RBFOX1: variants seen among roughly 807,000 people sequenced by gnomAD.
The protein encoded by RBFOX1 is RNA binding protein fox-1 homolog 1.
A neutral mutation model predicts 57.7 loss-of-function variants in RBFOX1; 8 were observed. The ratio of observed to expected loss-of-function variants is 0.14; its 90% CI spans 0.08 to 0.25. The LOEUF (loss-of-function observed/expected upper bound fraction) is 0.25. Among genes scored for constraint, RBFOX1 ranks in the 10% least tolerant of loss-of-function variants. The pLI, the probability that RBFOX1 is intolerant of heterozygous loss-of-function variation, is 1.00. For synonymous variants in RBFOX1, 326 were observed against 222.4 expected (o/e 1.47, Z -4.15); for missense variants, 611 against 548.5 (o/e 1.11, Z -1.14).
chr16:5,517,393 C>T (rs2043831558), intron 2 of RBFOX1, among the ~76,000 whole-genome samples: 1 of 152,190 alleles, frequency 6.6e-6, no homozygotes, highest in African/African-American at 2.4e-5. Flanking sequence ...CCTTGTCCAG[C>T]CCTTGACTTT....
At chr16:6,108,328 G>A (rs1032573977) in intron 1 of RBFOX1, among the ~76,000 whole-genome samples, 3 of 152,064 alleles carry the variant, frequency 2.0e-5, no homozygotes, top group East Asian at 1.9e-4. Flanking sequence ...TTTGGTACTC[G>A]TGTGACAATG....
chr16:7,659,397 G>C (rs2109058), intron 12 of RBFOX1, among the ~76,000 whole-genome samples: 148,046 of 152,276 alleles, frequency 0.97, 72,113 homozygotes, highest in East Asian at 1. Context: ...ATCTAAATCC[G>C]CAACCTGTAG....
At chr16:6,388,111 C>G (rs915696827) in intron 2 of RBFOX1, among the ~76,000 whole-genome samples, 1 of 150,682 alleles carries the variant, frequency 6.6e-6, no homozygotes, top group African/African-American at 2.4e-5. Flanking sequence ...TCCCGAGTAG[C>G]TGGGACTACA....
chr16:5,447,253 C>T (rs534043083), intron 1 of RBFOX1, among the ~76,000 whole-genome samples: 39 of 152,188 alleles, frequency 2.6e-4, no homozygotes, highest in African/African-American at 8.9e-4. Context: ...GAACTCAGAG[C>T]CTGGAGTTAG....
At chr16:7,627,752 C>T (rs8044622) in intron 10 of RBFOX1, among the ~76,000 whole-genome samples, 25,528 of 151,980 alleles carry the variant, frequency 0.17, 3,850 homozygotes, top group African/African-American at 0.41. Context: ...TTGGTTTTGT[C>T]GAATTCAAAG....
intron 1 of RBFOX1, among the ~76,000 whole-genome samples, chr16:6,082,496 T>C (rs76665519): frequency 1.1e-3 from 174 of 151,742 alleles, no homozygotes; most frequent in African/African-American, 1.7e-3. Context: ...ACTATGCTTT[T>C]ATTAGCTTTT....
intron 3 of RBFOX1, among the ~76,000 whole-genome samples, chr16:5,702,179 C>G (rs1223508090): frequency 6.6e-6 from 1 of 152,160 alleles, no homozygotes; most frequent in African/African-American, 2.4e-5. Context: ...GTTTCATTGA[C>G]TCAGTTCCAC....
intron 2 of RBFOX1, among the ~76,000 whole-genome samples, chr16:6,554,814 A>T: frequency 7.6e-6 from 1 of 130,746 alleles, no homozygotes; most frequent in South Asian, 2.2e-4. Context: ...ATAAACACAC[A>T]GACACACAGA....
Position 7,709,038 on chromosome 16 carries a change from C to A in RBFOX1, c.996-18C>A. On this transcript the variant is annotated intron_variant, in intron 14 of 15. Transcript: ENST00000550418. ...ATTGCATACTGTGGATCAATCTTCACCTCTATTTTCCTTTCAGTTACGGAC... is the reference window on the plus strand; with the variant it reads ...ATTGCATACTGTGGATCAATCTTCAACTCTATTTTCCTTTCAGTTACGGAC... 3.1e-6 allele frequency: 5 copies of A among 1,601,664 alleles called. No homozygotes were observed. Among genetic ancestry groups the A allele is most frequent in the South Asian group, 1.1e-5 (1 of 90,796 alleles).
intron 1 of RBFOX1, among the ~76,000 whole-genome samples, chr16:6,243,064 A>C (rs17139665): frequency 6.6e-6 from 1 of 152,094 alleles, no homozygotes; most frequent in Non-Finnish European, 1.5e-5. Flanking sequence ...GAGTGAAGGT[A>C]AATATTCCCA....
chr16:6,328,715 C>T (rs574099626), intron 2 of RBFOX1, among the ~76,000 whole-genome samples: 7 of 151,360 alleles, frequency 4.6e-5, no homozygotes, highest in Admixed American at 1.3e-4. Context: ...CCATAGGTCT[C>T]TTGTGAAGAT....
chr16:7,283,404 C>T (rs1030202681), intron 4 of RBFOX1, among the ~76,000 whole-genome samples: 3 of 152,024 alleles, frequency 2.0e-5, no homozygotes, highest in African/African-American at 4.8e-5. Flanking sequence ...TGAGTTCCCA[C>T]AGTTGGAAAG....
At position 5,562,798 on chromosome 16, in the gene RBFOX1, T is replaced by C. The variant is rs532175770; in HGVS notation, c.259-36104T>C. ...TGAAAAATTCTCTGCCATTTTCTGA[T>C]GAGCCCTTTGGGATTTTACAAGAGG... On this transcript the variant is annotated intron_variant, in intron 2 of 2. Transcript: ENST00000585867. Among the ~76,000 whole-genome samples, 3 of 152,296 alleles carry C rather than the reference T, an allele frequency of 2.0e-5. No homozygotes were observed. In the South Asian group the frequency reaches 6.2e-4, roughly 32 times the overall value.
chr16:6,373,745 G>A (rs1402951120), intron 2 of RBFOX1, among the ~76,000 whole-genome samples: 1 of 152,142 alleles, frequency 6.6e-6, no homozygotes, highest in African/African-American at 2.4e-5. Flanking sequence ...TTAAGTGGAA[G>A]AATTGTGACG....
At chr16:5,311,683 A>C (rs117348736) in intron 1 of RBFOX1, among the ~76,000 whole-genome samples, 6,018 of 152,238 alleles carry the variant, frequency 0.04, 173 homozygotes, top group Middle Eastern at 0.068. Flanking sequence ...TTTGTTGGTC[A>C]TTTGTATATC....
At chr16:6,646,940 C>A (rs898498967) in intron 2 of RBFOX1, among the ~76,000 whole-genome samples, 2 of 152,148 alleles carry the variant, frequency 1.3e-5, no homozygotes, top group African/African-American at 4.8e-5. Flanking sequence ...CGTCCTAGGA[C>A]TGGGCCTTAC....
chr16:6,998,485 C>G (rs1371461486), intron 3 of RBFOX1, among the ~76,000 whole-genome samples: 1 of 152,144 alleles, frequency 6.6e-6, no homozygotes. Flanking sequence ...AAGATGATGT[C>G]AGAGCTCTTG....
intron 13 of RBFOX1, among the ~76,000 whole-genome samples, chr16:7,675,792 A>G (rs1350080969): frequency 6.6e-6 from 1 of 152,116 alleles, no homozygotes; most frequent in African/African-American, 2.4e-5. Context: ...CTTACCTCAG[A>G]GGATTATGGG....
At chr16:5,821,466 C>A (rs1005705724) in intron 3 of RBFOX1, among the ~76,000 whole-genome samples, 1 of 151,926 alleles carries the variant, frequency 6.6e-6, no homozygotes, top group Non-Finnish European at 1.5e-5. Context: ...CTAAGCCCAG[C>A]TAATTTTTTC....
Sources: allele counts gnomAD v4.1 joint callset (sites outside exome capture counted in the v4.1 genomes callset), GRCh38; gene constraint gnomAD v4.1.1; transcripts MANE v1.5; gene names NCBI Gene and HGNC (gene_info 2026-07-23, HGNC 2026-07-21).